The following PKNOX2 variants were observed in gnomAD, a reference collection of about 807,000 sequenced individuals.
The protein encoded by PKNOX2 is homeobox protein PKNOX2.
PKNOX2 carries 14 observed loss-of-function variants against 53.1 expected under a neutral mutation model. The observed-to-expected ratio is 0.26, with a 90% CI of 0.17 to 0.41. The LOEUF (loss-of-function observed/expected upper bound fraction) is 0.41. Among genes scored for constraint, PKNOX2 ranks in the 10% least tolerant of loss-of-function variants. The probability of loss-of-function intolerance (pLI) is 1.00; values close to 1 mark genes in which losing one functional copy is unlikely to be tolerated. For synonymous variants in PKNOX2, 257 were observed against 242.8 expected, an observed-to-expected ratio of 1.06 and a Z score of -0.54; for missense variants, 496 against 602.8, an observed-to-expected ratio of 0.82 and a Z score of 1.85.
At chr11:125,268,676 G>C (rs1945540954) in intron 2 of PKNOX2, among the ~76,000 whole-genome samples, 3 of 152,202 alleles carry the variant, frequency 2.0e-5, no homozygotes, top group Admixed American at 2.0e-4. Context: ...GCTTCTGAAG[G>C]GCAGGGGGGC....
chr11:125,416,533 A>G (rs1308270451), intron 10 of PKNOX2, among the ~76,000 whole-genome samples: 1 of 151,998 alleles, frequency 6.6e-6, no homozygotes, highest in African/African-American at 2.4e-5. Context: ...ATTGGTTTAC[A>G]GAAGAGTTTG....
Position 125,370,939 on chromosome 11 carries a change from A to G in PKNOX2, c.227+2954A>G, listed in dbSNP as rs1296945204. The stretch of plus-strand genomic sequence containing the variant: ...ATGGCCCCTGCTAGAACCACAGATG[A>G]AGGAAGGGTGGGTGTGGCCCCTCCC... On this transcript the variant is annotated intron_variant, in intron 5 of 12. Coordinates refer to ENST00000298282, the MANE Select transcript of PKNOX2 (RefSeq NM_001382323.2). This position sits in a 1 kb window ranked among gnomAD's most constrained non-coding sequence, Gnocchi z 4.1. Among the ~76,000 whole-genome samples, 2 of 152,124 alleles carry G rather than the reference A, an allele frequency of 1.3e-5. No individual in the cohort carries two copies. The highest frequency in any genetic ancestry group is 1.3e-4 in the Admixed American group (2 of 15,270).
At chr11:125,190,441 C>T (rs975851576) in intron 1 of PKNOX2, among the ~76,000 whole-genome samples, 2 of 152,194 alleles carry the variant, frequency 1.3e-5, no homozygotes, top group Non-Finnish European at 2.9e-5. Flanking sequence ...ACTTCCTATT[C>T]GTTCTGCGAT....
chr11:125,356,433 T>C (rs1951619839), intron 4 of PKNOX2, among the ~76,000 whole-genome samples: 1 of 152,174 alleles, frequency 6.6e-6, no homozygotes, highest in Admixed American at 6.5e-5. Flanking sequence ...TTAGAACTCG[T>C]AGTTGAGGTC....
Position 125,352,519 on chromosome 11 carries a change from A to G in PKNOX2, c.87+1127A>G, listed in dbSNP as rs939270759. 1.1e-4 allele frequency among the ~76,000 whole-genome samples: 17 copies of G among 152,170 alleles called. No individual in the cohort carries two copies. The highest frequency in any genetic ancestry group is 4.1e-4 in the African/African-American group (17 of 41,446). ...TGTGCAGCATGAAAGGGGTCTTAAG[A>G]TGCAGATGCCAGGCTTGTGCTCACT... On this transcript the variant is annotated intron_variant, in intron 4 of 12. Coordinates refer to ENST00000298282, the MANE Select transcript of PKNOX2 (RefSeq NM_001382323.2). The surrounding 1 kb of genome is among the most constrained non-coding windows in gnomAD (Gnocchi z 4.1).
chr11:125,213,426 A>G (rs1409567649), intron 1 of PKNOX2, among the ~76,000 whole-genome samples: 1 of 152,142 alleles, frequency 6.6e-6, no homozygotes, highest in Non-Finnish European at 1.5e-5. Context: ...GTAAACTGTC[A>G]GTGCTCATTG....
chr11:125,356,522 C>G (rs1384814297), intron 4 of PKNOX2, among the ~76,000 whole-genome samples: 1 of 152,206 alleles, frequency 6.6e-6, no homozygotes, highest in African/African-American at 2.4e-5. Flanking sequence ...CCTCCCATTC[C>G]CCTCACCCCG....
chr11:125,365,178 T>C (rs959183249), intron 4 of PKNOX2, among the ~76,000 whole-genome samples: 4 of 151,982 alleles, frequency 2.6e-5, no homozygotes, highest in Non-Finnish European at 5.9e-5. Flanking sequence ...TGCCTATATA[T>C]CCCACGTTCC....
At chr11:125,404,356 C>T (rs1391523579) in intron 7 of PKNOX2, among the ~76,000 whole-genome samples, 1 of 149,288 alleles carries the variant, frequency 6.7e-6, no homozygotes, top group Non-Finnish European at 1.5e-5. Context: ...TTAAGAGCAG[C>T]AGCTGCTGCT....
At position 125,411,731 on chromosome 11, in the gene PKNOX2, C is replaced by T. The variant is rs777500025; in HGVS notation, c.817-15C>T. 26 of 1,613,916 alleles carry T rather than the reference C, an allele frequency of 1.6e-5. No homozygotes were observed. The highest frequency in any genetic ancestry group is 2.0e-5 in the Non-Finnish European group (24 of 1,179,872). On this transcript the variant is annotated splice_polypyrimidine_tract_variant and intron_variant, in intron 9 of 12. Coordinates refer to ENST00000298282, the MANE Select transcript of PKNOX2 (RefSeq NM_001382323.2). Reference sequence around the variant, plus strand: ...CAGGCTGCTGATGCTGATTTTCTCTCCACGTGCCCTGAAGGTTAACCTTGA... The same window carrying T: ...CAGGCTGCTGATGCTGATTTTCTCTTCACGTGCCCTGAAGGTTAACCTTGA...
rs765444688 is a variant in PKNOX2, at chr11:125,277,916, AT to A, written c.-130+42810del. On this transcript the variant is annotated intron_variant, in intron 2 of 12. Coordinates refer to ENST00000298282, the MANE Select transcript of PKNOX2 (RefSeq NM_001382323.2). Reference sequence around the variant, plus strand: ...TATACAGCTATTATGTATCAGTGCAATTTTTTTTTAAAGAGACTAGCTGGGT... The same window carrying A: ...TATACAGCTATTATGTATCAGTGCAATTTTTTTTAAAGAGACTAGCTGGGT... Among the ~76,000 whole-genome samples, 15 of 151,666 alleles carry A rather than the reference AT, an allele frequency of 9.9e-5. No homozygotes were observed. In the East Asian group the frequency reaches 1.4e-3, roughly 14 times the overall value.
chr11:125,361,862 A>C (rs141772077), intron 4 of PKNOX2, among the ~76,000 whole-genome samples: 18 of 152,312 alleles, frequency 1.2e-4, no homozygotes, highest in African/African-American at 4.3e-4. Flanking sequence ...GAAGGCTTGA[A>C]GCCCCTGCAG....
At chr11:125,406,620 C>T (rs553615182) in intron 7 of PKNOX2, among the ~76,000 whole-genome samples, 10 of 152,148 alleles carry the variant, frequency 6.6e-5, no homozygotes, top group African/African-American at 2.4e-4. Flanking sequence ...AGCACATATC[C>T]TCTCTCTGTG....
At chr11:125,316,007 T>C (rs757667872) in intron 2 of PKNOX2, among the ~76,000 whole-genome samples, 12 of 151,896 alleles carry the variant, frequency 7.9e-5, no homozygotes, top group Non-Finnish European at 5.9e-5. Context: ...TGCGCTGGAG[T>C]GGAGGCAAAG....
In PKNOX2 at chr11:125,165,431, T is replaced by C. The variant is rs1954793162; in HGVS notation, c.-201+655T>C. On this transcript the variant is annotated intron_variant, in intron 1 of 12. Transcript: ENST00000298282. This position sits in a 1 kb window ranked among gnomAD's most constrained non-coding sequence, Gnocchi z 4.5. The stretch of plus-strand genomic sequence containing the variant: ...TCTTTCTCCCGGCTTCGGGCGTCCT[T>C]GGGGCCGGCGCTTACTCCGCGCCAC... Among the ~76,000 whole-genome samples the C allele has an allele frequency of 6.6e-6, 1 of 151,910 alleles. No individual in the cohort carries two copies. The highest frequency in any genetic ancestry group is 2.4e-5 in the African/African-American group (1 of 41,416).
chr11:125,375,895 A>G (rs1952806803), intron 5 of PKNOX2, among the ~76,000 whole-genome samples: 1 of 152,152 alleles, frequency 6.6e-6, no homozygotes, highest in South Asian at 2.1e-4. Flanking sequence ...GGTTTGTTAT[A>G]TAGGTAAACT....
chr11:125,384,891 A>G (rs1361236566), intron 5 of PKNOX2, among the ~76,000 whole-genome samples: 3 of 152,196 alleles, frequency 2.0e-5, no homozygotes, highest in African/African-American at 7.2e-5. Context: ...AGAGTCTCAG[A>G]GGGAAACAGT....
chr11:125,213,341 T>A (rs757379041), intron 1 of PKNOX2, among the ~76,000 whole-genome samples: 7 of 152,136 alleles, frequency 4.6e-5, no homozygotes, highest in Admixed American at 1.3e-4. Context: ...TCCCTGACTC[T>A]CAGTTCCCTC....
At chr11:125,418,541 G>C (rs1956009415) in intron 10 of PKNOX2, among the ~76,000 whole-genome samples, 1 of 151,990 alleles carries the variant, frequency 6.6e-6, no homozygotes, top group South Asian at 2.1e-4. Context: ...TGTACCCCAG[G>C]AACAGCGGGT....
Sources: gnomAD v4.1 joint callset for allele counts (sites outside exome capture counted in the v4.1 genomes callset) on GRCh38, gnomAD v4.1.1 for gene constraint, Gnocchi (gnomAD v3.1) non-coding constraint, MANE v1.5 for transcripts, NCBI Gene and HGNC (gene_info 2026-07-23, HGNC 2026-07-21) for gene names.